Variants in PDLIM5 observed in about 807,000 individuals in gnomAD.
PDLIM5 encodes PDZ and LIM domain 5.
A neutral mutation model predicts 64.2 loss-of-function variants in PDLIM5; 34 were observed. The observed-to-expected ratio is 0.53, with a 90% CI of 0.40 to 0.71. PDLIM5 has a LOEUF of 0.71. PDLIM5 is among the 30% of genes least tolerant of loss of function. The pLI is 0.00. For missense variants in PDLIM5, 683 were observed against 733.6 expected, an observed-to-expected ratio of 0.93 and a Z score of 0.80; for synonymous variants, 253 against 269.1, an observed-to-expected ratio of 0.94 and a Z score of 0.59.
chr4:94,664,028 G>T lies in PDLIM5; in HGVS notation c.1752G>T (p.Lys584Asn). 6.2e-7 allele frequency: 1 copy of T among 1,608,568 alleles called. No homozygotes were observed. The highest frequency in any genetic ancestry group is 8.5e-7 in the Non-Finnish European group (1 of 1,176,376). Residue 584 changes from lysine (K) to asparagine (N), a missense_variant, in exon 13 of 13, where the codon AAG (lysine) becomes AAT (asparagine). Lys to Asn is a moderately conservative substitution (Grantham distance 94). Coordinates refer to ENST00000317968, the MANE Select transcript of PDLIM5 (RefSeq NM_006457.5). ...AGACCTTTTTCTCCAAGAAGGACAA[G>T]CCCCTGTGTAAGAAACATGCTCATT... is the stretch of plus-strand genomic sequence containing the variant. ...EGQTFFSKKD[K>N]PLCKKHAHSV...
In PDLIM5 at chr4:94,591,490, C is replaced by T. The variant is rs115428738; in HGVS notation, c.920+5046C>T. Among the ~76,000 whole-genome samples the T allele has an allele frequency of 4.2e-3, 646 of 152,276 alleles. 1 individual carries two copies. Among genetic ancestry groups the T allele is most frequent in the African/African-American group, 0.014 (597 of 41,566 alleles). On this transcript the variant is annotated intron_variant, in intron 7 of 12. Coordinates refer to ENST00000317968, the MANE Select transcript of PDLIM5 (RefSeq NM_006457.5). Reference sequence around the variant, plus strand: ...TTGATACCTCTGCTGATGGGAGTGTCGTAGGCAGACAGCCTTCACGTGCCA... The same window carrying T: ...TTGATACCTCTGCTGATGGGAGTGTTGTAGGCAGACAGCCTTCACGTGCCA...
chr4:94,579,350 T>A (rs1735548726), intron 5 of PDLIM5: 2 of 387,492 alleles, frequency 5.2e-6, no homozygotes, highest in Non-Finnish European at 9.6e-6. Context: ...TGCATTATAA[T>A]GTGCCACTGC....
At chr4:94,566,182 G>A (rs1235436577) in intron 3 of PDLIM5, among the ~76,000 whole-genome samples, 1 of 152,052 alleles carries the variant, frequency 6.6e-6, no homozygotes, top group Non-Finnish European at 1.5e-5. Context: ...GTTCTAATCC[G>A]GCTTCTGCCA....
rs1218388045 is a variant in PDLIM5, at chr4:94,579,526, A to C, written c.710+3492A>C. 2.9e-6 allele frequency: 4 copies of C among 1,375,280 alleles called. No individual in the cohort carries two copies. In the African/African-American group the frequency reaches 5.9e-5, roughly 20 times the overall value. 85.2% of individuals were successfully genotyped at this position (1,375,280 alleles called of 1,614,324 possible). A position where few individuals can be genotyped will look rare whatever the true frequency, so the allele number is the denominator to read the frequency against. ...AAATACTTTTCTCTTTGCAGAAAAC[A>C]CAAGTGACAAAGTTAGTATCCACAT... On this transcript the variant is annotated intron_variant, in intron 5 of 12. Transcript: ENST00000317968.
At chr4:94,592,053 T>G (rs141139039) in intron 7 of PDLIM5, among the ~76,000 whole-genome samples, 1 of 152,266 alleles carries the variant, frequency 6.6e-6, no homozygotes, top group South Asian at 2.1e-4. Context: ...CTGAAAGTCA[T>G]GTGGAAGTCA....
intron 7 of PDLIM5, among the ~76,000 whole-genome samples, chr4:94,593,150 T>C (rs764526297): frequency 1.4e-4 from 21 of 152,168 alleles, no homozygotes; most frequent in Admixed American, 5.2e-4. Context: ...ATAGTATAAA[T>C]TGGAAGGAAA....
chr4:94,571,279 G>A (rs1358445034), intron 3 of PDLIM5, among the ~76,000 whole-genome samples: 1 of 152,108 alleles, frequency 6.6e-6, no homozygotes, highest in Non-Finnish European at 1.5e-5. Flanking sequence ...TCTGAAACTG[G>A]TTATAATGCA....
At chr4:94,620,067 C>T (rs924519169) in intron 8 of PDLIM5, among the ~76,000 whole-genome samples, 2 of 152,210 alleles carry the variant, frequency 1.3e-5, no homozygotes, top group African/African-American at 2.4e-5. Flanking sequence ...TCTCCTGCTT[C>T]ACCCAATTTA....
intron 2 of PDLIM5, among the ~76,000 whole-genome samples, chr4:94,481,215 C>T (rs1007006371): frequency 1.3e-5 from 2 of 151,472 alleles, no homozygotes; most frequent in Non-Finnish European, 2.9e-5. Context: ...TATTTTCAAA[C>T]TCTGGAATTC....
intron 7 of PDLIM5, among the ~76,000 whole-genome samples, chr4:94,605,680 C>G (rs1042995695): frequency 6.6e-6 from 1 of 152,098 alleles, no homozygotes; most frequent in African/African-American, 2.4e-5. Context: ...AAGAGATAAT[C>G]AATACGTGTA....
chr4:94,500,943 CAGTT>C (rs1010281165), intron 2 of PDLIM5, among the ~76,000 whole-genome samples: 1 of 151,922 alleles, frequency 6.6e-6, no homozygotes, highest in African/African-American at 2.4e-5. Context: ...TCACCATGCT[CAGTT>C]AATTTTGTAT....
intron 2 of PDLIM5, among the ~76,000 whole-genome samples, chr4:94,519,524 A>G (rs947919751): frequency 6.6e-6 from 1 of 152,206 alleles, no homozygotes; most frequent in African/African-American, 2.4e-5. Flanking sequence ...GCCTGTGCTC[A>G]GTATTGTAGT....
chr4:94,658,887 G>C (rs949662308), intron 11 of PDLIM5, among the ~76,000 whole-genome samples: 1 of 151,920 alleles, frequency 6.6e-6, no homozygotes, highest in Non-Finnish European at 1.5e-5. Context: ...AGAAAGGGCT[G>C]GGTTTTGTTT....
intron 2 of PDLIM5, among the ~76,000 whole-genome samples, chr4:94,499,296 A>AT (rs1459501919): frequency 6.6e-6 from 1 of 151,946 alleles, no homozygotes; most frequent in Non-Finnish European, 1.5e-5. Context: ...AATTATCTGT[A>AT]TTTTTTCACC....
intron 2 of PDLIM5, among the ~76,000 whole-genome samples, chr4:94,513,175 GT>G (rs1729048049): frequency 6.6e-6 from 1 of 152,160 alleles, no homozygotes. Context: ...GATTCCTCCA[GT>G]TTTGTTCTTT....
At chr4:94,659,929 C>T (rs1239416499) in intron 11 of PDLIM5, among the ~76,000 whole-genome samples, 4 of 148,446 alleles carry the variant, frequency 2.7e-5, no homozygotes, top group Non-Finnish European at 3.0e-5. Flanking sequence ...TGGAGTCTCA[C>T]TCTGTCACCC....
chr4:94,566,508 T>G (rs1734332419), intron 3 of PDLIM5, among the ~76,000 whole-genome samples: 1 of 152,188 alleles, frequency 6.6e-6, no homozygotes, highest in African/African-American at 2.4e-5. Flanking sequence ...CTTCTATCAC[T>G]GCTTACTTTG....
At chr4:94,592,712 G>C (rs1264942669) in intron 7 of PDLIM5, among the ~76,000 whole-genome samples, 6 of 151,868 alleles carry the variant, frequency 4.0e-5, no homozygotes, top group Admixed American at 1.3e-4. Flanking sequence ...ACTGCACCTC[G>C]ACCTCCCAGG....
intron 2 of PDLIM5, among the ~76,000 whole-genome samples, chr4:94,463,116 CA>C (rs1259678591): frequency 6.6e-6 from 1 of 152,194 alleles, no homozygotes; most frequent in Non-Finnish European, 1.5e-5. Flanking sequence ...AGTTACATGG[CA>C]AAAGATTTTG....
Sources: allele counts gnomAD v4.1 joint callset (sites outside exome capture counted in the v4.1 genomes callset), GRCh38; gene constraint gnomAD v4.1.1; transcripts MANE v1.5; gene names NCBI Gene and HGNC (gene_info 2026-07-23, HGNC 2026-07-21).